The following RIN3 variants were observed in gnomAD, a reference collection of about 807,000 sequenced individuals.
RIN3 encodes Ras and Rab interactor 3.
RIN3 carries 54 observed loss-of-function variants against 76.3 expected under a neutral mutation model. The ratio of observed to expected loss-of-function variants is 0.71; its 90% CI spans 0.57 to 0.89. RIN3 has a LOEUF of 0.89. Ranked by LOEUF, RIN3 falls within the 40% of genes least tolerant of loss-of-function variation. RIN3 has a pLI of 0.00. For missense variants in RIN3, 1,256 were observed against 1,322.1 expected, an observed-to-expected ratio of 0.95 and a Z score of 0.78; for synonymous variants, 576 against 564.0, an observed-to-expected ratio of 1.02 and a Z score of -0.30.
chr14:92,620,550 T>C lies in RIN3; in HGVS notation c.440+5071T>C, dbSNP rs576291425. On this transcript the variant is annotated intron_variant, in intron 4 of 9. Transcript: ENST00000216487. ...TGAATGATGATTTGCTAGAAATACA[T>C]GGGAAACAAAATAACTATTCACAGA... Among the ~76,000 whole-genome samples the C allele has an allele frequency of 4.5e-4, 69 of 152,238 alleles. 1 individual carries two copies. Among genetic ancestry groups the C allele is most frequent in the African/African-American group, 1.6e-3 (65 of 41,534 alleles).
At chr14:92,617,070 C>T (rs750966794) in intron 4 of RIN3, among the ~76,000 whole-genome samples, 13 of 152,106 alleles carry the variant, frequency 8.5e-5, no homozygotes, top group Non-Finnish European at 1.0e-4. Flanking sequence ...AGGCCGAGGC[C>T]GGTGGATCAC....
intron 7 of RIN3, among the ~76,000 whole-genome samples, chr14:92,659,702 C>T (rs550328163): frequency 6.6e-6 from 1 of 152,236 alleles, no homozygotes; most frequent in African/African-American, 2.4e-5. Context: ...AGCAAGGAAG[C>T]CAGCCCACAC....
intron 3 of RIN3, among the ~76,000 whole-genome samples, chr14:92,600,351 A>G (rs548388697): frequency 6.6e-5 from 10 of 152,228 alleles, no homozygotes; most frequent in Admixed American, 2.6e-4. Flanking sequence ...CCGGAGCTGC[A>G]GGCTTCCCCG....
chr14:92,688,174 C>G lies in RIN3; in HGVS notation c.2880C>G (p.Tyr960Ter). Residue 960 changes from tyrosine to a stop codon, truncating the protein, a stop_gained, in exon 10 of 10, where the codon TAC (tyrosine) becomes TAG (stop). Transcript: ENST00000216487. LOFTEE classifies it high-confidence loss of function. ...SEPKRDFHFVYRPLDGGGGGG... is the reference protein window; with the variant it reads ...SEPKRDFHFV The stretch of plus-strand genomic sequence containing the variant: ...CCAAGCGCGACTTCCACTTTGTCTA[C>G]CGGCCCCTGGACGGTGGTGGCGGCG... 6.3e-7 allele frequency: 1 copy of G among 1,599,812 alleles called. No homozygotes were observed. Among genetic ancestry groups the G allele is most frequent in the Non-Finnish European group, 8.5e-7 (1 of 1,176,232 alleles).
chr14:92,540,871 C>T (rs4900135), intron 1 of RIN3, among the ~76,000 whole-genome samples: 139,991 of 152,314 alleles, frequency 0.92, 64,654 homozygotes, highest in Non-Finnish European at 0.94. Flanking sequence ...GTCCTTGGTC[C>T]GATCCATGCT....
intron 4 of RIN3, among the ~76,000 whole-genome samples, chr14:92,626,953 T>C (rs897340575): frequency 5.9e-5 from 9 of 152,138 alleles, no homozygotes; most frequent in Non-Finnish European, 1.2e-4. Context: ...ACAGACCCAA[T>C]CCTCATCTGA....
chr14:92,519,651 G>A lies in RIN3; in HGVS notation c.44+5675G>A, dbSNP rs373151494. ...ACAGGTGTCCAGGCTGAGGGATGGCGCTCTCTGCCAGGCCTCGGTCTCCCT... is the reference window on the plus strand; with the variant it reads ...ACAGGTGTCCAGGCTGAGGGATGGCACTCTCTGCCAGGCCTCGGTCTCCCT... On this transcript the variant is annotated intron_variant, in intron 1 of 9. Transcript: ENST00000216487. 1.1e-4 allele frequency among the ~76,000 whole-genome samples: 17 copies of A among 152,318 alleles called. No homozygotes were observed. In the South Asian group the frequency reaches 3.1e-3, roughly 28 times the overall value.
Position 92,659,452 on chromosome 14 carries a change from T to C in RIN3, c.2318T>C (p.Met773Thr). 1.2e-6 allele frequency: 2 copies of C among 1,606,990 alleles called. No homozygotes were observed. The highest frequency in any genetic ancestry group is 1.7e-6 in the Non-Finnish European group (2 of 1,176,262). Residue 773 changes from methionine to threonine, a missense_variant, in exon 7 of 10, where the codon ATG becomes ACG. Met to Thr is a moderately conservative substitution (Grantham distance 81). Around this residue, in one of 3 missense-constraint regions of RIN3, gnomAD observed 428 missense variants for 521.2 expected, o/e 0.82. Coordinates refer to ENST00000216487, the MANE Select transcript of RIN3 (RefSeq NM_024832.5). ...LKTCKLIYDS[M>T]ALGNPGKPYG... Reference sequence around the variant, plus strand: ...ACCTGCAAACTCATCTACGACTCCATGGCCCTCGGCAACCCAGGTCAGTGG... The same window carrying C: ...ACCTGCAAACTCATCTACGACTCCACGGCCCTCGGCAACCCAGGTCAGTGG...
chr14:92,560,035 G>A (rs1466113000), intron 2 of RIN3, among the ~76,000 whole-genome samples: 8 of 152,184 alleles, frequency 5.3e-5, no homozygotes, highest in Non-Finnish European at 2.9e-5. Flanking sequence ...TAGGTTGCTC[G>A]GGGCCTGTGG....
At chr14:92,586,062 A>G (rs1266690764) in intron 3 of RIN3, among the ~76,000 whole-genome samples, 1 of 152,146 alleles carries the variant, frequency 6.6e-6, no homozygotes, top group African/African-American at 2.4e-5. Context: ...TCTCTGCTTC[A>G]CTTTCCTCAT....
At chr14:92,676,374 G>T in intron 7 of RIN3, 101 bp from the exon 8 acceptor site, 2 of 1,354,376 alleles carry the variant, frequency 1.5e-6, no homozygotes, top group Non-Finnish European at 2.1e-6. Flanking sequence ...TCCAGGGATC[G>T]CCATCCACAC....
intron 2 of RIN3, among the ~76,000 whole-genome samples, chr14:92,557,283 A>T (rs1897616298): frequency 6.6e-6 from 1 of 152,194 alleles, no homozygotes; most frequent in South Asian, 2.1e-4. Flanking sequence ...ATGCAAAGGC[A>T]TTGAGTGCCC....
intron 1 of RIN3, among the ~76,000 whole-genome samples, chr14:92,533,688 A>C (rs1046155237): frequency 1.3e-5 from 2 of 152,188 alleles, no homozygotes; most frequent in Non-Finnish European, 2.9e-5. Flanking sequence ...AGGCATAAGA[A>C]TAATACAATG....
In RIN3 at chr14:92,537,615, T is replaced by C. The variant is rs184858825; in HGVS notation, c.45-18136T>C. Among the ~76,000 whole-genome samples, 8 of 147,776 alleles carry C rather than the reference T, an allele frequency of 5.4e-5. No homozygotes were observed. The East Asian group carries it at 1.6e-3, about 30-fold the overall frequency. On this transcript the variant is annotated intron_variant, in intron 1 of 9. Transcript: ENST00000216487. Reference sequence around the variant, plus strand: ...TACTAACTTATGCTTCCACCAGCTATAAGTGAGTGCCTTAGGGACTTTTTT... The same window carrying C: ...TACTAACTTATGCTTCCACCAGCTACAAGTGAGTGCCTTAGGGACTTTTTT...
intron 4 of RIN3, among the ~76,000 whole-genome samples, chr14:92,633,545 G>A (rs117914579): frequency 0.016 from 2,475 of 152,302 alleles, 32 homozygotes; most frequent in Middle Eastern, 0.044. Context: ...GTCAGAAGCC[G>A]GCTGGTGGCC....
At chr14:92,634,360 A>T (rs1051133761) in intron 4 of RIN3, among the ~76,000 whole-genome samples, 2 of 152,124 alleles carry the variant, frequency 1.3e-5, no homozygotes, top group African/African-American at 4.8e-5. Flanking sequence ...GATTACAGGC[A>T]TGAGCCACTG....
chr14:92,651,796 C>G lies in RIN3; in HGVS notation c.747C>G (p.Thr249=). ...AGGACTGCAGCAGCGCCCTGCCCAC[C>G]GACCAGCCACCTCTTGGAAATTGCC... ...FIEDCSSALP[T]DQPPLGNCPA... Residue 249 remains threonine, a synonymous_variant, in exon 6 of 10, where the codon ACC becomes ACG. Transcript: ENST00000216487. The G allele has an allele frequency of 6.2e-7, 1 of 1,613,742 alleles. No individual in the cohort carries two copies. The highest frequency in any genetic ancestry group is 8.5e-7 in the Non-Finnish European group (1 of 1,179,698).
intron 2 of RIN3, among the ~76,000 whole-genome samples, chr14:92,570,749 A>G (rs1162371275): frequency 6.6e-6 from 1 of 152,168 alleles, no homozygotes; most frequent in Non-Finnish European, 1.5e-5. Flanking sequence ...CCTGGGAGAC[A>G]CCGACTCCAA....
At chr14:92,597,108 T>C (rs1885175548) in intron 3 of RIN3, among the ~76,000 whole-genome samples, 1 of 152,184 alleles carries the variant, frequency 6.6e-6, no homozygotes. Flanking sequence ...GTGTCACGTA[T>C]GTGAGCATTT....
Sources: allele counts gnomAD v4.1 joint callset (sites outside exome capture counted in the v4.1 genomes callset), GRCh38; gene constraint gnomAD v4.1.1; regional missense constraint gnomAD v4.1.1; transcripts MANE v1.5; gene names NCBI Gene and HGNC (gene_info 2026-07-23, HGNC 2026-07-21).